BUD23: variants seen among roughly 807,000 people sequenced by gnomAD.
BUD23 encodes the protein BUD23 rRNA methyltransferase and ribosome maturation factor, also known as 18S rRNA (guanine-N(7))-methyltransferase.
A neutral mutation model predicts 47.0 loss-of-function variants in BUD23; 34 were observed. The observed-to-expected ratio is 0.72, with a 90% CI of 0.55 to 0.96. The LOEUF (loss-of-function observed/expected upper bound fraction) is 0.96, where lower values mean the gene tolerates loss of function less well. Among genes scored for constraint, BUD23 ranks in the 40% least tolerant of loss-of-function variants. The probability of loss-of-function intolerance (pLI) is 0.00; values close to 1 mark genes in which losing one functional copy is unlikely to be tolerated. For missense variants in BUD23, 343 were observed against 361.2 expected (o/e 0.95, Z 0.41); for synonymous variants, 124 against 132.0 (o/e 0.94, Z 0.41).
chr7:73,692,293 T>A (rs1798224512), intron 6 of BUD23, among the ~76,000 whole-genome samples: 1 of 152,224 alleles, frequency 6.6e-6, no homozygotes, highest in African/African-American at 2.4e-5. Context: ...CAAGTATCCA[T>A]TTGAAACAGG....
Position 73,690,860 on chromosome 7 carries a change from G to A in BUD23, c.363-56G>A. The A allele has an allele frequency of 2.2e-6, 3 of 1,389,022 alleles. 1 individual carries two copies. The South Asian group carries it at 3.5e-5, about 16-fold the overall frequency. 86.0% of individuals were successfully genotyped at this position (1,389,022 alleles called of 1,614,324 possible). A position where few individuals can be genotyped will look rare whatever the true frequency, so the allele number is the denominator to read the frequency against. The stretch of plus-strand genomic sequence containing the variant: ...CGGATGATGTCAAGAGGCTTGAAGT[G>A]GTTGGGGGAGCAACGTGGATTGCTC... On this transcript the variant is annotated intron_variant, in intron 5 of 11. Coordinates refer to ENST00000265758, the MANE Select transcript of BUD23 (RefSeq NM_017528.5).
chr7:73,693,928 C>T, intron 9 of BUD23, 64 bp from the exon 10 acceptor site: 5 of 1,600,042 alleles, frequency 3.1e-6, no homozygotes, highest in Non-Finnish European at 4.3e-6. Context: ...GCCTGGGCTT[C>T]TGGAGTGGGG....
At chr7:73,685,391 C>T (rs1278429308) in intron 2 of BUD23, among the ~76,000 whole-genome samples, 1 of 152,228 alleles carries the variant, frequency 6.6e-6, no homozygotes, top group African/African-American at 2.4e-5. Flanking sequence ...CAGCCTCAAG[C>T]CATCCTCCCC....
Position 73,692,608 on chromosome 7 carries a change from C to G in BUD23, c.472C>G (p.Arg158Gly), listed in dbSNP as rs1195540508. The change falls in exon 7 of 12, where the codon CGA becomes GGA. Residue 158 changes from arginine to glycine, a missense_variant. Physicochemically the swap from Arg to Gly is moderately radical, Grantham distance 125. Transcript: ENST00000265758. ...SLFSVLVRGS[R>G]AVLQLYPENS... is the part of the protein sequence containing the mutation. Reference sequence around the variant, plus strand: ...CTGTTTCTTTCAGGTCCGGGGATCCCGAGCTGTCCTGCAGCTGTACCCTGA... The same window carrying G: ...CTGTTTCTTTCAGGTCCGGGGATCCGGAGCTGTCCTGCAGCTGTACCCTGA... 6.2e-7 allele frequency: 1 copy of G among 1,613,664 alleles called. No homozygotes were observed. The highest frequency in any genetic ancestry group is 1.1e-5 in the South Asian group (1 of 91,062).
chr7:73,685,535 A>C (rs886500814), intron 2 of BUD23, among the ~76,000 whole-genome samples: 1 of 152,100 alleles, frequency 6.6e-6, no homozygotes, highest in African/African-American at 2.4e-5. Context: ...CCTCCCGGGT[A>C]GTTGGAACTA....
chr7:73,685,043 A>T (rs1260987601), intron 2 of BUD23, among the ~76,000 whole-genome samples: 3 of 150,546 alleles, frequency 2.0e-5, no homozygotes, highest in African/African-American at 7.4e-5. Flanking sequence ...GCTATGGCTC[A>T]TACCAGTAAT....
intron 8 of BUD23, 69 bp downstream of exon 8, chr7:73,693,483 C>T: frequency 1.2e-6 from 2 of 1,602,474 alleles, no homozygotes; most frequent in Non-Finnish European, 8.5e-7. Context: ...CCTTTCAGGC[C>T]ACTCAGTGGT....
chr7:73,691,767 T>C (rs552445840), intron 6 of BUD23, among the ~76,000 whole-genome samples: 93 of 152,072 alleles, frequency 6.1e-4, no homozygotes, highest in African/African-American at 2.1e-3. Flanking sequence ...GCCAGGCTAA[T>C]TTTTTACTTT....
intron 6 of BUD23, among the ~76,000 whole-genome samples, chr7:73,691,426 T>G (rs1326681369): frequency 2.0e-5 from 3 of 152,276 alleles, no homozygotes; most frequent in Non-Finnish European, 4.4e-5. Flanking sequence ...TCCTTCTGAC[T>G]CCTCACTTAT....
chr7:73,693,466 G>C, intron 8 of BUD23, 52 bp downstream of exon 8: 1 of 1,609,320 alleles, frequency 6.2e-7, no homozygotes, highest in Non-Finnish European at 8.5e-7. Context: ...GAGGGTAGTG[G>C]CATAGCCCTT....
intron 8 of BUD23, 88 bp downstream of exon 8, chr7:73,693,502 G>A: frequency 8.1e-6 from 13 of 1,596,178 alleles, no homozygotes; most frequent in Non-Finnish European, 9.4e-6. Context: ...GTGCAGAGGA[G>A]TGCTGGGGTG....
At position 73,697,903 on chromosome 7, in the gene BUD23, G is replaced by A; in HGVS notation, c.*17G>A. On this transcript the variant is annotated 3_prime_UTR_variant, in exon 12 of 12. Coordinates refer to ENST00000265758, the MANE Select transcript of BUD23 (RefSeq NM_017528.5). Reference sequence around the variant, plus strand: ...CGCTTCTAAGTCACCACGCGGTTCTGGAAAGGCACTTGCCTCTGCACTTTT... The same window carrying A: ...CGCTTCTAAGTCACCACGCGGTTCTAGAAAGGCACTTGCCTCTGCACTTTT... 1 of 1,610,032 alleles carries A rather than the reference G, an allele frequency of 6.2e-7. No homozygotes were observed. The highest frequency in any genetic ancestry group is 8.5e-7 in the Non-Finnish European group (1 of 1,178,908).
chr7:73,691,753 C>T (rs1187769592), intron 6 of BUD23, among the ~76,000 whole-genome samples: 2 of 152,126 alleles, frequency 1.3e-5, no homozygotes, highest in South Asian at 4.1e-4. Flanking sequence ...GCACACACCA[C>T]CATGCCAGGC....
rs550477837 is a variant in BUD23 at position 73,697,244 on chromosome 7, C to G, written c.702-361C>G. 3.8e-5 allele frequency: 22 copies of G among 582,952 alleles called. 1 individual carries two copies. In the South Asian group the frequency reaches 3.8e-4, roughly 10 times the overall value. 36.1% of individuals were successfully genotyped at this position (582,952 alleles called of 1,614,324 possible). ...CTAAGCTCCTGCTGTGAACTGTCGA[C>G]TGTGCTCTTGAAGTCTAGGTGATGA... is the stretch of plus-strand genomic sequence containing the variant. On this transcript the variant is annotated intron_variant, in intron 10 of 11. Transcript: ENST00000265758.
chr7:73,683,827 G>A, intron 2 of BUD23, 23 bp downstream of exon 2: 3 of 1,614,168 alleles, frequency 1.9e-6, no homozygotes, highest in Non-Finnish European at 2.5e-6. Flanking sequence ...TGAATACTGC[G>A]GGGCGTCCGG....
rs782044414 is a variant in BUD23 at position 73,686,648 on chromosome 7, T to C, written c.99T>C (p.Ile33=). The part of the protein sequence containing the change: ...ARKYVRNSRM[I]DIQTRMAGRA... ...TCTGCCTTACCAGCTCACGGATGAT[T>C]GATATCCAGACCAGGATGGCTGGGC... The change falls in exon 3 of 12, where the codon ATT becomes ATC. Residue 33 remains isoleucine, a synonymous_variant. Coordinates refer to ENST00000265758, the MANE Select transcript of BUD23 (RefSeq NM_017528.5). The C allele has an allele frequency of 1.2e-6, 2 of 1,614,114 alleles. No individual in the cohort carries two copies. Among genetic ancestry groups the C allele is most frequent in the Admixed American group, 1.7e-5 (1 of 60,004 alleles).
At chr7:73,693,053 A>T (rs1009042160) in intron 7 of BUD23, 2 of 562,026 alleles carry the variant, frequency 3.6e-6, no homozygotes, top group African/African-American at 3.8e-5. Flanking sequence ...CTGGATTCCA[A>T]TTGGTGGCCA....
rs2293487 is a variant in BUD23 at position 73,693,980 on chromosome 7, T to C, written c.643-12T>C. 522,891 of 1,610,662 alleles carry C rather than the reference T, an allele frequency of 0.32. 88,945 individuals are homozygous for C. The highest frequency in any genetic ancestry group is 0.34 in the Non-Finnish European group (406,686 of 1,178,940). ...TCTCCAGGGTGACCTGAGTGCACTT[T>C]GGTTCCTGCAGGGGCTGAGTGAAAA... On this transcript the variant is annotated splice_polypyrimidine_tract_variant and intron_variant, in intron 9 of 11. Transcript: ENST00000265758.
At chr7:73,697,551 G>A (rs782158374) in intron 10 of BUD23, 54 bp from the exon 11 acceptor site, 75 of 1,612,414 alleles carry the variant, frequency 4.7e-5, no homozygotes, top group Admixed American at 1.5e-4. Flanking sequence ...GGGGCCAGTC[G>A]GGCAGCCCCA....
Sources: gnomAD v4.1 joint callset for allele counts (sites outside exome capture counted in the v4.1 genomes callset) on GRCh38, gnomAD v4.1.1 for gene constraint, MANE v1.5 for transcripts, NCBI Gene and HGNC (gene_info 2026-07-23, HGNC 2026-07-21) for gene names.